The following ACACA variants were observed in gnomAD, a reference collection of about 807,000 sequenced individuals.
ACACA encodes acetyl-CoA carboxylase 1.
ACACA carries 103 observed loss-of-function variants against 296.1 expected under a neutral mutation model. The ratio of observed to expected loss-of-function variants is 0.35; its 90% confidence interval spans 0.30 to 0.41. The LOEUF (loss-of-function observed/expected upper bound fraction) is 0.41. ACACA is among the 10% of genes least tolerant of loss of function. The pLI is 1.00. For synonymous variants in ACACA, 953 were observed against 1,038.6 expected (o/e 0.92, Z 1.58); for missense variants, 1,554 against 2,989.7 (o/e 0.52, Z 11.20).
chr17:37,156,597 C>G (rs773079946), intron 42 of ACACA, among the ~76,000 whole-genome samples: 10 of 152,160 alleles, frequency 6.6e-5, no homozygotes, highest in Non-Finnish European at 1.2e-4. Context: ...GAACTCAGAT[C>G]TTTTGTTTTT....
At chr17:37,224,696 A>C (rs2079458360) in intron 27 of ACACA, among the ~76,000 whole-genome samples, 1 of 151,980 alleles carries the variant, frequency 6.6e-6, no homozygotes, top group Non-Finnish European at 1.5e-5. Flanking sequence ...CTTGTCATTT[A>C]ATTCTGGCCT....
At chr17:37,201,074 C>T (rs1161180151) in intron 33 of ACACA, among the ~76,000 whole-genome samples, 3 of 152,148 alleles carry the variant, frequency 2.0e-5, no homozygotes, top group South Asian at 4.1e-4. Context: ...TTGTTAAAAG[C>T]AATATTTAAT....
At chr17:37,215,223 G>A (rs1467462143) in intron 29 of ACACA, among the ~76,000 whole-genome samples, 4 of 152,150 alleles carry the variant, frequency 2.6e-5, no homozygotes, top group African/African-American at 4.8e-5. Context: ...AGCAGAGAAG[G>A]TACAGTGGAA....
chr17:37,149,885 T>A lies in ACACA; in HGVS notation c.5658A>T (p.Thr1886=), dbSNP rs766033812. Reference sequence around the variant, plus strand: ...TTACTTTGTTGAGGGCTCCAGCTCCTGTTAGAATTAAGTGAGAATTCTCAA... The same window carrying A: ...TTACTTTGTTGAGGGCTCCAGCTCCAGTTAGAATTAAGTGAGAATTCTCAA... ...IQVENSHLIL[T]GAGALNKVLG... is the part of the protein sequence containing the mutation. Residue 1886 remains threonine (T), a synonymous_variant, in exon 45 of 56, where the codon ACA becomes ACT. Transcript: ENST00000616317. 1.2e-6 allele frequency: 2 copies of A among 1,614,186 alleles called. No homozygotes were observed. The highest frequency in any genetic ancestry group is 1.7e-5 in the Admixed American group (1 of 60,034).
intron 3 of ACACA, among the ~76,000 whole-genome samples, chr17:37,329,785 C>CA (rs1279035418): frequency 6.6e-6 from 1 of 151,558 alleles, no homozygotes; most frequent in Non-Finnish European, 1.5e-5. Context: ...ACTAAAAACA[C>CA]AAAAAATTAG....
intron 33 of ACACA, among the ~76,000 whole-genome samples, chr17:37,202,027 A>G (rs1249653480): frequency 6.6e-6 from 1 of 152,198 alleles, no homozygotes; most frequent in Admixed American, 6.5e-5. Context: ...AACTGCATTA[A>G]AAAATTATTT....
intron 3 of ACACA, among the ~76,000 whole-genome samples, chr17:37,315,616 A>C: frequency 6.6e-6 from 1 of 152,204 alleles, no homozygotes; most frequent in African/African-American, 2.4e-5. Flanking sequence ...ATAATTTGCT[A>C]GAATGACATA....
intron 3 of ACACA, among the ~76,000 whole-genome samples, chr17:37,324,705 C>T (rs1360158598): frequency 6.7e-6 from 1 of 148,494 alleles, no homozygotes; most frequent in Admixed American, 6.7e-5. Context: ...CATGGTGGCG[C>T]ATACCTGTAG....
At chr17:37,306,280 GTTAA>G (rs1489501894) in intron 3 of ACACA, among the ~76,000 whole-genome samples, 1 of 152,000 alleles carries the variant, frequency 6.6e-6, no homozygotes. Context: ...TGTTAAAATG[GTTAA>G]TTTTGTCAAG....
intron 1 of ACACA, among the ~76,000 whole-genome samples, chr17:37,394,125 T>C (rs935902183): frequency 2.0e-5 from 3 of 152,180 alleles, no homozygotes; most frequent in Non-Finnish European, 4.4e-5. Flanking sequence ...GTCACCATTA[T>C]AGACCAAGTT....
Position 37,253,024 on chromosome 17 carries a change from C to A in ACACA, c.1839G>T (p.Val613=). The part of the protein sequence containing the change: ...NREEAISNMV[V]ALKELSIRGD... ...CCCGAATAGACAGCTCCTTCAAAGCCACCACCATGTTTCTGGGAGAACAGA... is the reference window on the plus strand; with the variant it reads ...CCCGAATAGACAGCTCCTTCAAAGCAACCACCATGTTTCTGGGAGAACAGA... Residue 613 remains valine, a synonymous_variant, in exon 15 of 56, where the codon GTG becomes GTT. Transcript: ENST00000616317. 2.5e-6 allele frequency: 4 copies of A among 1,614,224 alleles called. No individual in the cohort carries two copies. The highest frequency in any genetic ancestry group is 3.4e-6 in the Non-Finnish European group (4 of 1,180,032).
At chr17:37,285,137 T>A (rs1041562268) in intron 3 of ACACA, among the ~76,000 whole-genome samples, 167 bp from the exon 4 acceptor site, 3 of 152,038 alleles carry the variant, frequency 2.0e-5, no homozygotes, top group Non-Finnish European at 4.4e-5. Context: ...ATCTTGCTTG[T>A]GGAAATTTAA....
chr17:37,227,105 C>T (rs2079574393), intron 25 of ACACA, among the ~76,000 whole-genome samples: 1 of 152,114 alleles, frequency 6.6e-6, no homozygotes, highest in Non-Finnish European at 1.5e-5. Flanking sequence ...AAAAAACAGG[C>T]TCCTACTATA....
intron 1 of ACACA, among the ~76,000 whole-genome samples, chr17:37,404,501 C>T (rs1178495985): frequency 2.0e-5 from 3 of 151,740 alleles, no homozygotes; most frequent in Non-Finnish European, 4.4e-5. Flanking sequence ...TACAGGTACA[C>T]ACCACTTCAC....
At chr17:37,337,453 G>A (rs2048177678) in intron 2 of ACACA, among the ~76,000 whole-genome samples, 1 of 149,248 alleles carries the variant, frequency 6.7e-6, no homozygotes, top group Non-Finnish European at 1.5e-5. Flanking sequence ...GAAAACTATA[G>A]ACATTTCCCT....
At position 37,366,272 on chromosome 17, in the gene ACACA, T is replaced by C. The variant is rs992635482; in HGVS notation, c.39-26422A>G. On this transcript the variant is annotated intron_variant, in intron 1 of 55. Transcript: ENST00000616317. The stretch of plus-strand genomic sequence containing the variant: ...TGCTACATATTTAGGCCTCTACCTG[T>C]CTTCTACCTTCACTCTCTATTGTTG... Among the ~76,000 whole-genome samples the C allele has an allele frequency of 2.6e-5, 4 of 152,288 alleles. 1 individual carries two copies. The highest frequency in any genetic ancestry group is 2.6e-4 in the Admixed American group (4 of 15,290).
chr17:37,237,038 T>C (rs2080145255), intron 24 of ACACA, among the ~76,000 whole-genome samples: 1 of 152,210 alleles, frequency 6.6e-6, no homozygotes, highest in Non-Finnish European at 1.5e-5. Flanking sequence ...GAATTTTATG[T>C]TAATTATTCT....
intron 45 of ACACA, chr17:37,144,440 C>A: frequency 3.3e-6 from 1 of 302,056 alleles, no homozygotes; most frequent in Non-Finnish European, 6.4e-6. Flanking sequence ...GTAATCTCTC[C>A]TTCCCTTCTT....
At chr17:37,383,994 G>A (rs1036099866) in intron 1 of ACACA, among the ~76,000 whole-genome samples, 5 of 152,122 alleles carry the variant, frequency 3.3e-5, no homozygotes, top group African/African-American at 7.2e-5. Context: ...AGCCGGGCGC[G>A]GTGTCTCATG....
Sources: gnomAD v4.1 joint callset for allele counts (sites outside exome capture counted in the v4.1 genomes callset) on GRCh38, gnomAD v4.1.1 for gene constraint, MANE v1.5 for transcripts, NCBI Gene and HGNC (gene_info 2026-07-23, HGNC 2026-07-21) for gene names.